The following FRMD4A variants were observed in gnomAD, a reference collection of about 807,000 sequenced individuals.
The protein encoded by FRMD4A is FERM domain containing 4A.
In FRMD4A, 29 loss-of-function variants were observed where a neutral mutation model predicts 129.1. The observed-to-expected ratio is 0.22, with a 90% CI of 0.17 to 0.31. The LOEUF is 0.31. FRMD4A is among the 10% of genes least tolerant of loss of function. The pLI is 1.00. For synonymous variants in FRMD4A, 634 were observed against 571.6 expected, an observed-to-expected ratio of 1.11 and a Z score of -1.56; for missense variants, 1,272 against 1,375.8, an observed-to-expected ratio of 0.92 and a Z score of 1.19.
intron 2 of FRMD4A, among the ~76,000 whole-genome samples, chr10:14,163,406 TG>T (rs1331117649): frequency 6.6e-6 from 1 of 152,154 alleles, no homozygotes; most frequent in Non-Finnish European, 1.5e-5. Context: ...ATCATCCACT[TG>T]TAATAAAAGC....
chr10:13,897,865 G>T (rs760536699), intron 2 of FRMD4A, among the ~76,000 whole-genome samples: 5 of 151,616 alleles, frequency 3.3e-5, no homozygotes, highest in Non-Finnish European at 5.9e-5. Context: ...TTGAACCTGG[G>T]AGGCGGAGGC....
At chr10:13,954,735 C>G (rs1340917681) in intron 2 of FRMD4A, among the ~76,000 whole-genome samples, 2 of 152,206 alleles carry the variant, frequency 1.3e-5, no homozygotes, top group African/African-American at 4.8e-5. Flanking sequence ...GGGTCATCAT[C>G]ACAGCCCTGC....
At chr10:14,003,436 G>A (rs12764774) in intron 2 of FRMD4A, 56,794 of 152,084 alleles carry the variant, frequency 0.37, 13,091 homozygotes, top group Non-Finnish European at 0.51. Flanking sequence ...CCAGCTTGGG[G>A]GTCTGTGGGT....
At chr10:14,050,283 T>A (rs530878990) in intron 2 of FRMD4A, among the ~76,000 whole-genome samples, 71 of 152,324 alleles carry the variant, frequency 4.7e-4, no homozygotes, top group African/African-American at 1.7e-3. Flanking sequence ...GGACTTTCAG[T>A]GAATTAACTC....
intron 2 of FRMD4A, among the ~76,000 whole-genome samples, chr10:13,938,531 C>G (rs2095266311): frequency 6.6e-6 from 1 of 152,216 alleles, no homozygotes. Flanking sequence ...GCATGAGCCA[C>G]TGTGCCCAGA....
At chr10:14,260,505 A>G (rs1190877217) in intron 2 of FRMD4A, among the ~76,000 whole-genome samples, 2 of 152,188 alleles carry the variant, frequency 1.3e-5, no homozygotes. Flanking sequence ...AAGTCATCCT[A>G]CATGCTCATT....
chr10:14,228,818 T>C (rs1453731957), intron 2 of FRMD4A, among the ~76,000 whole-genome samples: 1 of 152,034 alleles, frequency 6.6e-6, no homozygotes, highest in Non-Finnish European at 1.5e-5. Flanking sequence ...TGAAGAAAAA[T>C]TACAATTAAT....
chr10:13,885,458 G>T (rs536261871), intron 2 of FRMD4A, among the ~76,000 whole-genome samples: 1 of 152,260 alleles, frequency 6.6e-6, no homozygotes, highest in East Asian at 1.9e-4. Context: ...TCCACATCAG[G>T]AGGCAGGGAC....
At chr10:14,013,983 A>T (rs1289199710) in intron 2 of FRMD4A, among the ~76,000 whole-genome samples, 1 of 152,236 alleles carries the variant, frequency 6.6e-6, no homozygotes, top group South Asian at 2.1e-4. Flanking sequence ...AGCCCATGAC[A>T]GCTCAGGCAT....
Position 13,884,216 on chromosome 10 carries a change from A to ACTCACACACACTCTCACACACACACT in FRMD4A, c.46-25305_46-25304insAGTGTGTGTGTGAGAGTGTGTGTGAG, listed in dbSNP as rs1554956601. The stretch of plus-strand genomic sequence containing the variant: ...CACACTCACACACACACTCACACAC[A>ACTCACACACACTCTCACACACACACT]CACACACACACACACACACACACAC... On this transcript the variant is annotated intron_variant, in intron 2 of 24. Transcript: ENST00000357447. Among the ~76,000 whole-genome samples, 203 of 125,700 alleles carry ACTCACACACACTCTCACACACACACT rather than the reference A, an allele frequency of 1.6e-3. 4 individuals carry two copies. Among genetic ancestry groups the ACTCACACACACTCTCACACACACACT allele is most frequent in the African/African-American group, 5.3e-3 (191 of 36,192 alleles). The allele number at this position is 125,700 out of a possible 152,430, so 82.5% of individuals were successfully genotyped here.
chr10:13,664,551 C>G (rs547100390), intron 18 of FRMD4A, among the ~76,000 whole-genome samples: 7 of 152,144 alleles, frequency 4.6e-5, no homozygotes, highest in African/African-American at 7.2e-5. Flanking sequence ...TATGAGCAAC[C>G]AGGAGCTCTG....
Position 13,745,913 on chromosome 10 carries a change from A to G in FRMD4A, c.548+1823T>C, listed in dbSNP as rs1022101848. On this transcript the variant is annotated intron_variant, in intron 9 of 24. Coordinates refer to ENST00000357447, the MANE Select transcript of FRMD4A (RefSeq NM_018027.5). ...GGGAGGTGGGTAATAGGGTCCATGA[A>G]CAAGGAAACGGGACCATCATTTTTG... Among the ~76,000 whole-genome samples, 8 of 152,182 alleles carry G rather than the reference A, an allele frequency of 5.3e-5. 1 individual carries two copies. Among genetic ancestry groups the G allele is most frequent in the African/African-American group, 1.9e-4 (8 of 41,440 alleles).
Position 14,011,063 on chromosome 10 carries a change from G to C in FRMD4A, c.46-152151C>G, listed in dbSNP as rs2095680491. 2.6e-5 allele frequency among the ~76,000 whole-genome samples: 4 copies of C among 152,296 alleles called. No individual in the cohort carries two copies. In the South Asian group the frequency reaches 8.3e-4, roughly 32 times the overall value. ...TTAGTAAGTTGGCCAAGGCAGCACA[G>C]CTAGAAATGTCAGAGCTAGGATGAA... On this transcript the variant is annotated intron_variant, in intron 2 of 24. Transcript: ENST00000357447.
intron 12 of FRMD4A, among the ~76,000 whole-genome samples, chr10:13,734,005 T>G (rs1041119487): frequency 1.3e-5 from 2 of 152,214 alleles, no homozygotes; most frequent in Non-Finnish European, 2.9e-5. Flanking sequence ...CACAGGCACC[T>G]GGATGTCCCA....
At chr10:13,759,191 C>G (rs1319416220) in intron 8 of FRMD4A, among the ~76,000 whole-genome samples, 1 of 152,196 alleles carries the variant, frequency 6.6e-6, no homozygotes, top group African/African-American at 2.4e-5. Context: ...CTGACCTCTC[C>G]CCTCTCCTGA....
At chr10:13,812,143 T>G (rs1298900512) in intron 3 of FRMD4A, among the ~76,000 whole-genome samples, 1 of 152,182 alleles carries the variant, frequency 6.6e-6, no homozygotes, top group Non-Finnish European at 1.5e-5. Flanking sequence ...GGCCTCCCAG[T>G]GTTGGGATTA....
chr10:14,229,087 GTT>G (rs557316285), intron 2 of FRMD4A, among the ~76,000 whole-genome samples: 1 of 146,286 alleles, frequency 6.8e-6, no homozygotes, highest in Non-Finnish European at 1.5e-5. Flanking sequence ...GTTTTTTCTT[GTT>G]TTTTTTTTGT....
chr10:13,743,228 G>A (rs143132166), intron 9 of FRMD4A, among the ~76,000 whole-genome samples: 25 of 152,206 alleles, frequency 1.6e-4, no homozygotes, highest in Admixed American at 2.0e-4. Flanking sequence ...TGACAAGGTC[G>A]TCTCCTGAAG....
chr10:14,218,490 T>C (rs1843142753), intron 2 of FRMD4A, among the ~76,000 whole-genome samples: 1 of 152,204 alleles, frequency 6.6e-6, no homozygotes, highest in South Asian at 2.1e-4. Context: ...ATGAAGTTCT[T>C]TGTATTTACA....
Sources: allele counts gnomAD v4.1 joint callset (sites outside exome capture counted in the v4.1 genomes callset), GRCh38; gene constraint gnomAD v4.1.1; transcripts MANE v1.5; gene names NCBI Gene and HGNC (gene_info 2026-07-23, HGNC 2026-07-21).